FRYL: variants seen among roughly 807,000 people sequenced by gnomAD.
FRYL encodes FRY like transcription coactivator.
Under a neutral mutation model 351.2 loss-of-function variants are expected in FRYL, and 150 were observed. That is an observed-to-expected ratio of 0.43 (90% CI 0.37 to 0.49). FRYL has a LOEUF of 0.49. FRYL is among the 20% of genes least tolerant of loss of function. The pLI is 0.00. For missense variants in FRYL, 3,036 were observed against 3,619.3 expected, an observed-to-expected ratio of 0.84 and a Z score of 4.13; for synonymous variants, 1,153 against 1,257.1, an observed-to-expected ratio of 0.92 and a Z score of 1.75.
At chr4:48,741,888 G>A (rs1772123855) in intron 1 of FRYL, among the ~76,000 whole-genome samples, 1 of 152,186 alleles carries the variant, frequency 6.6e-6, no homozygotes, top group African/African-American at 2.4e-5. Flanking sequence ...AACAGGTGGA[G>A]CACAGGGAAT....
At chr4:48,596,502 T>G (rs1744621042) in intron 13 of FRYL, among the ~76,000 whole-genome samples, 1 of 152,104 alleles carries the variant, frequency 6.6e-6, no homozygotes, top group Non-Finnish European at 1.5e-5. Flanking sequence ...GCGTGGACTC[T>G]AAAACTGGGA....
At chr4:48,597,277 A>G (rs1744784033) in intron 13 of FRYL, among the ~76,000 whole-genome samples, 1 of 152,182 alleles carries the variant, frequency 6.6e-6, no homozygotes, top group African/African-American at 2.4e-5. Flanking sequence ...TAGGCAAAGC[A>G]TGAAGGATTT....
rs900248689 is a variant in FRYL, at chr4:48,510,816, C to A, written c.8295+19G>T. 36 of 1,590,986 alleles carry A rather than the reference C, an allele frequency of 2.3e-5. No homozygotes were observed. The Admixed American group carries it at 2.7e-4, about 12-fold the overall frequency. On this transcript the variant is annotated intron_variant, in intron 58 of 63. Transcript: ENST00000358350. ...ATTCCAATGTAGTCTTTATAATAAACCTGCATGTAAAAACTTACTGTTTCA... is the reference window on the plus strand; with the variant it reads ...ATTCCAATGTAGTCTTTATAATAAAACTGCATGTAAAAACTTACTGTTTCA...
chr4:48,547,513 T>C (rs1578053463), intron 41 of FRYL, 71 bp downstream of exon 41: 3 of 837,110 alleles, frequency 3.6e-6, no homozygotes, highest in Non-Finnish European at 5.2e-6. Context: ...TTCAGTTGAC[T>C]TTCTCTAATG....
At chr4:48,592,115 T>TATATATATATATATATATATATATATATA (rs1743518374) in intron 16 of FRYL, among the ~76,000 whole-genome samples, 2 of 131,474 alleles carry the variant, frequency 1.5e-5, no homozygotes, top group African/African-American at 3.0e-5. Flanking sequence ...TATATATATA[T>TATATATATATATATATATATATATATATA]TTTATCTAAG....
At chr4:48,575,382 G>A in intron 24 of FRYL, 141 bp from the exon 25 acceptor site, 1 of 854,584 alleles carries the variant, frequency 1.2e-6, no homozygotes, top group Non-Finnish European at 1.8e-6. Context: ...TTTCACCTGG[G>A]GTGTACATAA....
rs1722710376 is a variant in FRYL, at chr4:48,512,605, G to T, written c.8021C>A (p.Ala2674Asp). 2 of 1,613,886 alleles carry T rather than the reference G, an allele frequency of 1.2e-6. No homozygotes were observed. The highest frequency in any genetic ancestry group is 1.1e-5 in the South Asian group (1 of 91,082). Residue 2674 changes from alanine to aspartate, a missense_variant, in exon 57 of 64, where the codon GCC becomes GAC. By Grantham distance (126) the Ala-to-Asp change is moderately radical. Around this residue, in one of 7 missense-constraint regions of FRYL, gnomAD observed 1,987 missense variants for 2,311.7 expected, o/e 0.86. Transcript: ENST00000358350. Reference protein sequence around the residue: ...PSPFLSAIIAAFQPVAYDDEE... With the variant: ...PSPFLSAIIADFQPVAYDDEE... ...ATCATCATATGCCACGGGCTGAAAG[G>T]CGGCTATGATGGCAGAAAGAAATGG...
chr4:48,602,961 T>C (rs1269037836), intron 12 of FRYL, among the ~76,000 whole-genome samples: 1 of 152,172 alleles, frequency 6.6e-6, no homozygotes, highest in African/African-American at 2.4e-5. Context: ...GGCTATACTA[T>C]TTAGGTTTGT....
chr4:48,645,131 T>C (rs1450654414), intron 3 of FRYL, among the ~76,000 whole-genome samples: 1 of 16,100 alleles, frequency 6.2e-5, no homozygotes, highest in Non-Finnish European at 1.2e-4. Context: ...ATTTTATATA[T>C]ATATATATAT....
rs912303816 is a variant in FRYL at position 48,546,542 on chromosome 4, T to C, written c.5075-271A>G. The C allele has an allele frequency of 2.5e-5, 9 of 362,556 alleles. No homozygotes were observed. The Admixed American group carries it at 2.6e-4, about 10-fold the overall frequency. 22.5% of individuals were successfully genotyped at this position (362,556 alleles called of 1,614,324 possible). A position where few individuals can be genotyped will look rare whatever the true frequency, so the allele number is the denominator to read the frequency against. On this transcript the variant is annotated intron_variant, in intron 41 of 63. Coordinates refer to ENST00000358350, the MANE Select transcript of FRYL (RefSeq NM_015030.2). ...GCCATCTGCTGAAGAAACTTGCAAGTGGCAGTTTCCTAATATTCTGGCATA... is the reference window on the plus strand; with the variant it reads ...GCCATCTGCTGAAGAAACTTGCAAGCGGCAGTTTCCTAATATTCTGGCATA...
chr4:48,557,895 CAT>C (rs1424593427), intron 33 of FRYL, among the ~76,000 whole-genome samples, 183 bp from the exon 34 acceptor site: 1 of 152,172 alleles, frequency 6.6e-6, no homozygotes, highest in Non-Finnish European at 1.5e-5. Flanking sequence ...TAACAGCTAA[CAT>C]AAATCACATA....
At chr4:48,717,716 A>AT (rs1247639848) in intron 1 of FRYL, among the ~76,000 whole-genome samples, 1 of 151,060 alleles carries the variant, frequency 6.6e-6, no homozygotes. Flanking sequence ...AATTTTTTTA[A>AT]TTTTTTGTAG....
At chr4:48,731,821 C>T (rs1400784117) in intron 1 of FRYL, among the ~76,000 whole-genome samples, 1 of 152,068 alleles carries the variant, frequency 6.6e-6, no homozygotes, top group Non-Finnish European at 1.5e-5. Flanking sequence ...GACCTAGGAC[C>T]ATAAAAATCC....
rs774891308 is a variant in FRYL at position 48,579,159 on chromosome 4, T to C, written c.2342A>G (p.Asp781Gly). 6 of 1,613,750 alleles carry C rather than the reference T, an allele frequency of 3.7e-6. No individual in the cohort carries two copies. The highest frequency in any genetic ancestry group is 3.3e-5 in the Admixed American group (2 of 59,992). The change falls in exon 23 of 64, where the codon GAT becomes GGT. Residue 781 changes from aspartate to glycine, a missense_variant. Asp to Gly is a moderately conservative substitution (Grantham distance 94). Coordinates refer to ENST00000358350, the MANE Select transcript of FRYL (RefSeq NM_015030.2). ...CCATATATGTGATGGACTAATCACA[T>C]CAAACTGGTGGCTAATAGGAGAAGA... ...WNSSPISHQFDVISPSHIWIF... is the reference protein window; with the variant it reads ...WNSSPISHQFGVISPSHIWIF...
intron 1 of FRYL, among the ~76,000 whole-genome samples, chr4:48,760,167 CTT>C (rs1035167241): frequency 6.8e-6 from 1 of 146,064 alleles, no homozygotes. Flanking sequence ...GAAGCCCTCA[CTT>C]TTTTTTTTTT....
intron 53 of FRYL, among the ~76,000 whole-genome samples, chr4:48,525,256 T>C (rs1725851349): frequency 1.3e-5 from 2 of 151,284 alleles, no homozygotes; most frequent in Non-Finnish European, 2.9e-5. Flanking sequence ...AAAAAAAGTT[T>C]AAAAGCTACT....
chr4:48,610,156 G>A (rs1578335091), intron 7 of FRYL, among the ~76,000 whole-genome samples: 1 of 152,104 alleles, frequency 6.6e-6, no homozygotes, highest in African/African-American at 2.4e-5. Context: ...AACACTTACA[G>A]AAAAGCACCT....
chr4:48,757,918 T>A (rs1409087075), intron 1 of FRYL, among the ~76,000 whole-genome samples: 1 of 152,046 alleles, frequency 6.6e-6, no homozygotes, highest in Non-Finnish European at 1.5e-5. Flanking sequence ...ACAGAGCCCT[T>A]AGAAATAATA....
chr4:48,759,595 C>T (rs1332784159), intron 1 of FRYL, among the ~76,000 whole-genome samples: 3 of 152,192 alleles, frequency 2.0e-5, no homozygotes, highest in Non-Finnish European at 4.4e-5. Context: ...ACTTCCTTCA[C>T]TCAGGGATGC....
Sources: gnomAD v4.1 joint callset for allele counts (sites outside exome capture counted in the v4.1 genomes callset) on GRCh38, gnomAD v4.1.1 for gene constraint, gnomAD v4.1.1 regional missense constraint, MANE v1.5 for transcripts, NCBI Gene and HGNC (gene_info 2026-07-23, HGNC 2026-07-21) for gene names.